MVB12B: variants seen among roughly 807,000 people sequenced by gnomAD.
MVB12B encodes multivesicular body subunit 12B.
In MVB12B, 16 loss-of-function variants were observed where a neutral mutation model predicts 41.6. That is an observed-to-expected ratio of 0.38 (90% CI 0.26 to 0.58). MVB12B has a LOEUF of 0.58. MVB12B is among the 20% of genes least tolerant of loss of function. MVB12B has a pLI of 0.62. For synonymous variants in MVB12B, 133 were observed against 139.7 expected (o/e 0.95, Z 0.34); for missense variants, 274 against 380.2 (o/e 0.72, Z 2.32).
At chr9:126,403,838 A>C (rs940992652) in intron 6 of MVB12B, among the ~76,000 whole-genome samples, 3 of 152,112 alleles carry the variant, frequency 2.0e-5, no homozygotes, top group Non-Finnish European at 2.9e-5. Flanking sequence ...AGGACTGGAC[A>C]TCATATTTTA....
intron 7 of MVB12B, among the ~76,000 whole-genome samples, chr9:126,475,707 T>G (rs1833406492): frequency 6.6e-6 from 1 of 152,074 alleles, no homozygotes; most frequent in African/African-American, 2.4e-5. Context: ...CTCCTCTTTC[T>G]TTCCTCTGAG....
chr9:126,352,260 T>C (rs1382426005), intron 2 of MVB12B, among the ~76,000 whole-genome samples: 1 of 152,198 alleles, frequency 6.6e-6, no homozygotes, highest in African/African-American at 2.4e-5. Context: ...TTGGAAAGTG[T>C]TCCATCCTCT....
chr9:126,449,644 G>A (rs1413123581), intron 7 of MVB12B, among the ~76,000 whole-genome samples: 1 of 152,220 alleles, frequency 6.6e-6, no homozygotes, highest in Non-Finnish European at 1.5e-5. Flanking sequence ...GGCCCAGTAT[G>A]TTCTGAGTCC....
chr9:126,419,610 C>T (rs1480586611), intron 6 of MVB12B, among the ~76,000 whole-genome samples: 4 of 152,174 alleles, frequency 2.6e-5, no homozygotes, highest in African/African-American at 9.7e-5. Flanking sequence ...ACCACAACCA[C>T]AGTCGATAAT....
chr9:126,415,133 G>A (rs1831774868), intron 6 of MVB12B, among the ~76,000 whole-genome samples: 1 of 152,196 alleles, frequency 6.6e-6, no homozygotes, highest in South Asian at 2.1e-4. Flanking sequence ...GTGGCCTAGT[G>A]CAGCTCCTGA....
At chr9:126,451,610 G>A (rs775185070) in intron 7 of MVB12B, among the ~76,000 whole-genome samples, 6 of 152,052 alleles carry the variant, frequency 3.9e-5, no homozygotes, top group African/African-American at 7.2e-5. Context: ...CAAACCCACC[G>A]GGACAGGGGG....
At chr9:126,408,972 C>T (rs958124422) in intron 6 of MVB12B, among the ~76,000 whole-genome samples, 1 of 152,108 alleles carries the variant, frequency 6.6e-6, no homozygotes, top group Non-Finnish European at 1.5e-5. Context: ...CCCACCTTCT[C>T]GAGTCCTACT....
Position 126,333,885 on chromosome 9 carries a change from C to T in MVB12B, c.82-6623C>T, listed in dbSNP as rs377554591. On this transcript the variant is annotated intron_variant, in intron 1 of 9. Transcript: ENST00000361171. This position sits in a 1 kb window ranked among gnomAD's most constrained non-coding sequence, Gnocchi z 4.7. Reference sequence around the variant, plus strand: ...TCCATCCATCCATCCATCCATCCATCCATTCGTTCATCAAATACCTGATGA... The same window carrying T: ...TCCATCCATCCATCCATCCATCCATTCATTCGTTCATCAAATACCTGATGA... Among the ~76,000 whole-genome samples, 2 of 123,972 alleles carry T rather than the reference C, an allele frequency of 1.6e-5. No homozygotes were observed. Among genetic ancestry groups the T allele is most frequent in the Non-Finnish European group, 3.5e-5 (2 of 57,784 alleles). The allele number at this position is 123,972 out of a possible 152,430, so 81.3% of individuals were successfully genotyped here.
At chr9:126,497,233 C>T (rs1050835504) in intron 9 of MVB12B, among the ~76,000 whole-genome samples, 1 of 152,110 alleles carries the variant, frequency 6.6e-6, no homozygotes, top group Non-Finnish European at 1.5e-5. Context: ...GCCCTTATTG[C>T]ACCCCCTGGT....
chr9:126,495,398 GTCT>G (rs1423346266), intron 9 of MVB12B, among the ~76,000 whole-genome samples: 7 of 152,184 alleles, frequency 4.6e-5, no homozygotes, highest in African/African-American at 1.7e-4. Flanking sequence ...TCATGCAGCC[GTCT>G]TCATTTCCAC....
At chr9:126,390,968 AAG>A (rs1432192143) in intron 4 of MVB12B, among the ~76,000 whole-genome samples, 1 of 151,922 alleles carries the variant, frequency 6.6e-6, no homozygotes, top group East Asian at 1.9e-4. Context: ...AAAAAAAAAA[AAG>A]AGCAGAAGGA....
At chr9:126,365,330 G>GCTAGGA in intron 2 of MVB12B, among the ~76,000 whole-genome samples, 1 of 77,436 alleles carries the variant, frequency 1.3e-5, no homozygotes, top group Middle Eastern at 9.1e-3. Context: ...CTCCCAAAGT[G>GCTAGGA]TCTTTTTTTT....
chr9:126,330,304 TACACACACAC>T (rs142849542), intron 1 of MVB12B, among the ~76,000 whole-genome samples: 1 of 148,192 alleles, frequency 6.7e-6, no homozygotes, highest in Non-Finnish European at 1.5e-5. Context: ...TTTCTTTCTT[TACACACACAC>T]ACACACACAC....
At chr9:126,435,466 A>G (rs1832446233) in intron 7 of MVB12B, among the ~76,000 whole-genome samples, 1 of 152,182 alleles carries the variant, frequency 6.6e-6, no homozygotes, top group Non-Finnish European at 1.5e-5. Flanking sequence ...TTTTAAAGAG[A>G]GAACTTCTCA....
intron 1 of MVB12B, chr9:126,335,132 T>C: frequency 1.3e-6 from 1 of 756,588 alleles, no homozygotes; most frequent in Non-Finnish European, 1.8e-6. Flanking sequence ...TAGAAAAATA[T>C]TTGCCTTAGT....
chr9:126,358,283 G>A (rs985992841), intron 2 of MVB12B, among the ~76,000 whole-genome samples: 12 of 151,170 alleles, frequency 7.9e-5, no homozygotes, highest in East Asian at 7.7e-4. Context: ...TATTTTGGTC[G>A]TTCTAGGTCC....
At chr9:126,501,920 C>T (rs530391336) in intron 9 of MVB12B, among the ~76,000 whole-genome samples, 303 of 152,136 alleles carry the variant, frequency 2.0e-3, no homozygotes, top group African/African-American at 6.8e-3. Flanking sequence ...GGGTGCAGTG[C>T]TCCGCCTCCT....
chr9:126,403,640 G>T (rs1831330607), intron 6 of MVB12B, among the ~76,000 whole-genome samples: 1 of 152,158 alleles, frequency 6.6e-6, no homozygotes, highest in Non-Finnish European at 1.5e-5. Context: ...TGATCATATT[G>T]CATCACCGTT....
chr9:126,382,039 T>G (rs1159988516), intron 3 of MVB12B, among the ~76,000 whole-genome samples: 5 of 151,004 alleles, frequency 3.3e-5, no homozygotes, highest in African/African-American at 1.2e-4. Flanking sequence ...AAATTTTTAT[T>G]TTGGGAAATA....
Sources: allele counts gnomAD v4.1 joint callset (sites outside exome capture counted in the v4.1 genomes callset), GRCh38; gene constraint gnomAD v4.1.1; non-coding constraint Gnocchi (gnomAD v3.1); transcripts MANE v1.5; gene names NCBI Gene and HGNC (gene_info 2026-07-23, HGNC 2026-07-21).